Variants in POGLUT3 observed in about 807,000 individuals in gnomAD.
The protein encoded by POGLUT3 is KDEL (Lys-Asp-Glu-Leu) containing 2.
In POGLUT3, 48 loss-of-function variants were observed where a neutral mutation model predicts 54.3. The ratio of observed to expected loss-of-function variants is 0.88; its 90% CI spans 0.70 to 1.12. POGLUT3 has a LOEUF of 1.12. Ranked by LOEUF, POGLUT3 falls within the 50% of genes most tolerant of loss-of-function variation. The pLI is 0.00. For missense variants in POGLUT3, 629 were observed against 618.7 expected (o/e 1.02, Z -0.18); for synonymous variants, 218 against 237.4 (o/e 0.92, Z 0.75).
At chr11:108,478,483 C>T (rs1247495758) in intron 6 of POGLUT3, among the ~76,000 whole-genome samples, 1 of 152,194 alleles carries the variant, frequency 6.6e-6, no homozygotes, top group African/African-American at 2.4e-5. Context: ...CATGCAAATA[C>T]GCAGTCAACG....
chr11:108,493,893 G>C (rs1405630622), intron 1 of POGLUT3, among the ~76,000 whole-genome samples: 1 of 151,396 alleles, frequency 6.6e-6, no homozygotes, highest in African/African-American at 2.4e-5. Context: ...AACTGGATGA[G>C]AATGCAGTGA....
chr11:108,486,462 A>T (rs774678936), intron 2 of POGLUT3, 22 bp from the exon 3 acceptor site: 12 of 1,608,826 alleles, frequency 7.5e-6, no homozygotes, highest in Admixed American at 3.4e-5. Flanking sequence ...AAACATGAAA[A>T]AGGCCGCACT....
chr11:108,492,733 GA>G (rs2093615475), intron 1 of POGLUT3, among the ~76,000 whole-genome samples: 1 of 152,080 alleles, frequency 6.6e-6, no homozygotes, highest in Non-Finnish European at 1.5e-5. Flanking sequence ...AAACAAGTAT[GA>G]TAAAATTACG....
intron 6 of POGLUT3, among the ~76,000 whole-genome samples, chr11:108,478,958 C>G (rs924675825): frequency 2.0e-5 from 3 of 152,152 alleles, no homozygotes; most frequent in African/African-American, 7.2e-5. Flanking sequence ...ACTGTAATTG[C>G]CTGAAATATT....
chr11:108,482,968 T>C (rs755430331), intron 3 of POGLUT3, among the ~76,000 whole-genome samples: 2 of 152,104 alleles, frequency 1.3e-5, no homozygotes, highest in Non-Finnish European at 2.9e-5. Flanking sequence ...ATCTCCACGG[T>C]CAATGTCTCA....
At chr11:108,475,622 C>CA (rs1363802860) in intron 7 of POGLUT3, among the ~76,000 whole-genome samples, 2 of 151,880 alleles carry the variant, frequency 1.3e-5, no homozygotes, top group African/African-American at 4.8e-5. Context: ...CGCGTACCAC[C>CA]ATGCCCAGCT....
At chr11:108,491,228 G>A in intron 1 of POGLUT3, 61 bp from the exon 2 acceptor site, 1 of 1,333,970 alleles carries the variant, frequency 7.5e-7, no homozygotes, top group East Asian at 2.4e-5. Flanking sequence ...ACAATTATTG[G>A]ATAGGTGTTA....
rs2093593393 is a variant in POGLUT3 at position 108,481,895 on chromosome 11, T to C, written c.901+111A>G. The C allele has an allele frequency of 4.9e-6, 4 of 823,074 alleles. No homozygotes were observed. In the South Asian group the frequency reaches 7.6e-5, roughly 16 times the overall value. 51.0% of individuals were successfully genotyped at this position (823,074 alleles called of 1,614,324 possible). A position where few individuals can be genotyped will look rare whatever the true frequency, so the allele number is the denominator to read the frequency against. ...TCTTTAATCCCTAGGTTGGTCAGAA[T>C]TTTCAGTACAAGACTTTTTCTAATA... On this transcript the variant is annotated intron_variant, in intron 4 of 7. Coordinates refer to ENST00000323468, the MANE Select transcript of POGLUT3 (RefSeq NM_153705.5).
rs2093570104 is a variant in POGLUT3, at chr11:108,472,123, T to C, written c.*2704A>G. On this transcript the variant is annotated 3_prime_UTR_variant, in exon 8 of 8. Transcript: ENST00000323468. ...AAAGGTATCTTTTTCAACTTTTTAT[T>C]TAGAAAATTTATTTTATTTAAAAGG... 1 of 152,158 alleles carries C rather than the reference T, an allele frequency of 6.6e-6. No homozygotes were observed. The highest frequency in any genetic ancestry group is 1.5e-5 in the Non-Finnish European group (1 of 68,042). 9.4% of individuals were successfully genotyped at this position (152,158 alleles called of 1,614,324 possible). A position where few individuals can be genotyped will look rare whatever the true frequency, so the allele number is the denominator to read the frequency against.
At chr11:108,486,000 C>G (rs1158913525) in intron 3 of POGLUT3, among the ~76,000 whole-genome samples, 157 bp downstream of exon 3, 1 of 152,150 alleles carries the variant, frequency 6.6e-6, no homozygotes, top group East Asian at 1.9e-4. Flanking sequence ...GTAAGATCCA[C>G]AAAGATGGAG....
chr11:108,481,582 AAC>A (rs1414670879), intron 4 of POGLUT3, among the ~76,000 whole-genome samples: 11 of 152,208 alleles, frequency 7.2e-5, no homozygotes, highest in East Asian at 1.9e-4. Context: ...GTTTAAAAAA[AAC>A]AGTCTTTTTA....
intron 1 of POGLUT3, among the ~76,000 whole-genome samples, chr11:108,494,969 T>TCCC (rs1039376999): frequency 6.6e-6 from 1 of 152,154 alleles, no homozygotes; most frequent in African/African-American, 2.4e-5. Flanking sequence ...ATACAGTTCT[T>TCCC]CCCCCCACCC....
At chr11:108,481,135 C>A (rs773577584) in intron 5 of POGLUT3, 45 bp downstream of exon 5, 1 of 1,469,784 alleles carries the variant, frequency 6.8e-7, no homozygotes, top group Admixed American at 2.4e-5. Flanking sequence ...ACTTTTAATA[C>A]AATTTTATCG....
chr11:108,485,935 G>C (rs1565748767), intron 3 of POGLUT3, among the ~76,000 whole-genome samples: 1 of 152,150 alleles, frequency 6.6e-6, no homozygotes, highest in Non-Finnish European at 1.5e-5. Context: ...TGTGATTGCA[G>C]GTATGAGCCA....
At chr11:108,485,814 C>T (rs1052220753) in intron 3 of POGLUT3, among the ~76,000 whole-genome samples, 19 of 152,122 alleles carry the variant, frequency 1.2e-4, no homozygotes, top group Non-Finnish European at 2.2e-4. Flanking sequence ...CCCACCACCA[C>T]GCCCAGCTAA....
intron 1 of POGLUT3, among the ~76,000 whole-genome samples, chr11:108,497,102 T>G (rs1361550313): frequency 6.6e-6 from 1 of 152,244 alleles, no homozygotes; most frequent in Non-Finnish European, 1.5e-5. Flanking sequence ...AGTGATCAGT[T>G]ATTTGCATGT....
At chr11:108,486,685 A>G in intron 2 of POGLUT3, 1 of 469,126 alleles carries the variant, frequency 2.1e-6, no homozygotes, top group Admixed American at 3.6e-5. Context: ...CACTTAGCTC[A>G]TAAATTCATC....
At chr11:108,482,321 C>T in intron 3 of POGLUT3, 99 bp from the exon 4 acceptor site, 1 of 780,890 alleles carries the variant, frequency 1.3e-6, no homozygotes, top group Non-Finnish European at 2.0e-6. Flanking sequence ...TTTGACAGGG[C>T]TAACCATTCA....
At chr11:108,488,474 C>G (rs905665484) in intron 2 of POGLUT3, among the ~76,000 whole-genome samples, 3 of 152,146 alleles carry the variant, frequency 2.0e-5, no homozygotes, top group Non-Finnish European at 2.9e-5. Flanking sequence ...GGACTGTAGG[C>G]AAAGCCAGGC....
Sources: gnomAD v4.1 joint callset for allele counts (sites outside exome capture counted in the v4.1 genomes callset) on GRCh38, gnomAD v4.1.1 for gene constraint, MANE v1.5 for transcripts, NCBI Gene and HGNC (gene_info 2026-07-23, HGNC 2026-07-21) for gene names.